Variants in DYM observed in about 807,000 individuals in gnomAD.
DYM encodes the protein dyggve-Melchior-Clausen syndrome protein.
DYM carries 78 observed loss-of-function variants against 93.1 expected under a neutral mutation model. That is an observed-to-expected ratio of 0.84 (90% confidence interval 0.70 to 1.01). The LOEUF (loss-of-function observed/expected upper bound fraction) is 1.01, where lower values mean the gene tolerates loss of function less well. DYM is among the 50% of genes least tolerant of loss of function. The pLI, the probability that DYM is intolerant of heterozygous loss-of-function variation, is 0.00. For synonymous variants in DYM, 321 were observed against 319.7 expected (o/e 1.00, Z -0.04); for missense variants, 789 against 845.0 (o/e 0.93, Z 0.82).
At chr18:49,247,997 C>T (rs1035497854) in intron 13 of DYM, among the ~76,000 whole-genome samples, 2 of 152,210 alleles carry the variant, frequency 1.3e-5, no homozygotes, top group Non-Finnish European at 2.9e-5. Flanking sequence ...TTCCTGGTTA[C>T]TGCTATGCCA....
intron 8 of DYM, among the ~76,000 whole-genome samples, chr18:49,318,947 C>A (rs1261624809): frequency 6.6e-6 from 1 of 151,374 alleles, no homozygotes; most frequent in Admixed American, 6.6e-5. Context: ...ATTACAGGCA[C>A]CTGCCACCAC....
chr18:49,250,656 G>T (rs1335113833), intron 13 of DYM, among the ~76,000 whole-genome samples: 1 of 152,198 alleles, frequency 6.6e-6, no homozygotes, highest in Admixed American at 6.5e-5. Flanking sequence ...TCAGCAAGTT[G>T]AAGAAGCCAC....
At chr18:49,064,041 A>C (rs1009121425) in intron 17 of DYM, among the ~76,000 whole-genome samples, 11 of 152,214 alleles carry the variant, frequency 7.2e-5, no homozygotes, top group Non-Finnish European at 1.6e-4. Context: ...AACAATGAAA[A>C]TAACTTTACT....
intron 2 of DYM, among the ~76,000 whole-genome samples, chr18:49,424,666 C>T (rs910338933): frequency 6.6e-6 from 1 of 152,264 alleles, no homozygotes; most frequent in Non-Finnish European, 1.5e-5. Flanking sequence ...TCCAAAATCT[C>T]CTTAAGCTGA....
intron 8 of DYM, among the ~76,000 whole-genome samples, chr18:49,310,810 T>G (rs1021936007): frequency 2.0e-5 from 3 of 152,136 alleles, no homozygotes; most frequent in Non-Finnish European, 4.4e-5. Context: ...AAAAAGAAGG[T>G]AAAGCATTCT....
intron 15 of DYM, among the ~76,000 whole-genome samples, chr18:49,119,918 T>C (rs1270344331): frequency 6.6e-6 from 1 of 151,542 alleles, no homozygotes; most frequent in East Asian, 1.9e-4. Context: ...CGAAACCCCA[T>C]GTACACAAAA....
At chr18:49,358,625 T>C (rs1335276950) in intron 6 of DYM, among the ~76,000 whole-genome samples, 3 of 152,112 alleles carry the variant, frequency 2.0e-5, no homozygotes, top group African/African-American at 7.2e-5. Context: ...AGACTAAAAA[T>C]TAAACAGTCC....
chr18:49,209,945 T>TA (rs1812956831), intron 13 of DYM, among the ~76,000 whole-genome samples: 1 of 151,798 alleles, frequency 6.6e-6, no homozygotes, highest in Non-Finnish European at 1.5e-5. Flanking sequence ...AGATGGCAAA[T>TA]AAGCATATGA....
intron 17 of DYM, among the ~76,000 whole-genome samples, chr18:49,050,147 C>T (rs149287071): frequency 0.021 from 2,974 of 144,420 alleles, 97 homozygotes; most frequent in African/African-American, 0.071. Context: ...AGTGCAATGG[C>T]GCGATCTCGG....
intron 6 of DYM, among the ~76,000 whole-genome samples, chr18:49,339,598 T>C (rs1304675813): frequency 6.6e-6 from 1 of 152,158 alleles, no homozygotes; most frequent in East Asian, 1.9e-4. Context: ...GAGCTGACTC[T>C]TGCCAATAGC....
chr18:49,204,837 G>A (rs2092385784), intron 14 of DYM, among the ~76,000 whole-genome samples: 2 of 152,208 alleles, frequency 1.3e-5, no homozygotes, highest in South Asian at 4.1e-4. Context: ...TCCAAGGTTG[G>A]TAGTTTGAGA....
rs78472646 is a variant in DYM, at chr18:49,041,308, C to G, written c.*2747G>C. Among the ~76,000 whole-genome samples the G allele has an allele frequency of 0.029, 4,400 of 152,284 alleles. 96 individuals carry two copies. Among genetic ancestry groups the G allele is most frequent in the South Asian group, 0.071 (341 of 4,818 alleles). The stretch of plus-strand genomic sequence containing the variant: ...TAAAAGTAAATATTGTGGCAGAAGT[C>G]TTTGTTGATAAAATGACACAATGCA... On this transcript the variant is annotated 3_prime_UTR_variant, in exon 18 of 18. Transcript: ENST00000675505.
chr18:49,243,065 T>C (rs1485872573), intron 13 of DYM, among the ~76,000 whole-genome samples: 4 of 152,170 alleles, frequency 2.6e-5, no homozygotes, highest in Non-Finnish European at 5.9e-5. Context: ...AGAAAAGAGC[T>C]GCCTCCTCGC....
At chr18:49,282,591 C>T (rs928128299) in intron 9 of DYM, among the ~76,000 whole-genome samples, 10 of 152,008 alleles carry the variant, frequency 6.6e-5, no homozygotes, top group Non-Finnish European at 1.3e-4. Context: ...TCAGCCTGGG[C>T]GAGAGTGAGA....
intron 17 of DYM, among the ~76,000 whole-genome samples, chr18:49,047,632 G>T (rs1721616823): frequency 6.6e-6 from 1 of 152,072 alleles, no homozygotes; most frequent in Non-Finnish European, 1.5e-5. Context: ...GTGCTCTCTG[G>T]GTGTTCCCTA....
Position 49,043,987 on chromosome 18 carries a change from T to C in DYM, c.*68A>G, listed in dbSNP as rs1599289752. 6.3e-7 allele frequency: 1 copy of C among 1,581,120 alleles called. No homozygotes were observed. Among genetic ancestry groups the C allele is most frequent in the Non-Finnish European group, 8.7e-7 (1 of 1,154,710 alleles). On this transcript the variant is annotated 3_prime_UTR_variant, in exon 18 of 18. Transcript: ENST00000675505. ...AAGTAACCTGTCTGTCTACTTCTGT[T>C]ACCCAGAAATAAAAGAACTTGAAGG...
At chr18:49,120,822 AT>A (rs1182044333) in intron 15 of DYM, among the ~76,000 whole-genome samples, 4 of 151,332 alleles carry the variant, frequency 2.6e-5, no homozygotes, top group Admixed American at 6.6e-5. Context: ...GTCTTTCTTA[AT>A]TTTTTTTTGA....
intron 17 of DYM, among the ~76,000 whole-genome samples, chr18:49,080,150 C>CG (rs749381960): frequency 0.011 from 109 of 10,132 alleles, 20 homozygotes; most frequent in East Asian, 0.078. Flanking sequence ...GGCGGCTGGC[C>CG]GGGGGGGGGC....
chr18:49,450,066 T>A (rs2082392761), intron 1 of DYM, among the ~76,000 whole-genome samples: 1 of 152,230 alleles, frequency 6.6e-6, no homozygotes, highest in Admixed American at 6.5e-5. Context: ...TGCCCAGGGA[T>A]AAGAGATTAT....
Sources: allele counts gnomAD v4.1 joint callset (sites outside exome capture counted in the v4.1 genomes callset), GRCh38; gene constraint gnomAD v4.1.1; transcripts MANE v1.5; gene names NCBI Gene and HGNC (gene_info 2026-07-23, HGNC 2026-07-21).